Variants in FBXL17 observed in about 807,000 individuals in gnomAD.
FBXL17 encodes F-box/LRR-repeat protein 17.
A neutral mutation model predicts 66.2 loss-of-function variants in FBXL17; 22 were observed. That is an observed-to-expected ratio of 0.33 (90% confidence interval 0.24 to 0.47). FBXL17 has a LOEUF of 0.47. Among genes scored for constraint, FBXL17 ranks in the 20% least tolerant of loss-of-function variants. The pLI is 1.00. For missense variants in FBXL17, 878 were observed against 948.2 expected (o/e 0.93, Z 0.97); for synonymous variants, 474 against 400.5 (o/e 1.18, Z -2.19).
chr5:108,194,281 T>C (rs1374951591), intron 5 of FBXL17, among the ~76,000 whole-genome samples: 1 of 152,186 alleles, frequency 6.6e-6, no homozygotes, highest in African/African-American at 2.4e-5. Flanking sequence ...TCTGATAACT[T>C]AGAAGTATCT....
chr5:108,135,346 T>C (rs1580492510), intron 6 of FBXL17, among the ~76,000 whole-genome samples: 1 of 152,146 alleles, frequency 6.6e-6, no homozygotes, highest in African/African-American at 2.4e-5. Context: ...ACAAGGGGAA[T>C]ATTTACTCCC....
intron 6 of FBXL17, among the ~76,000 whole-genome samples, chr5:108,079,682 T>G (rs1342880001): frequency 2.6e-5 from 4 of 152,156 alleles, no homozygotes; most frequent in Non-Finnish European, 1.5e-5. Flanking sequence ...ACCAATGTAG[T>G]TATAAAAAAA....
chr5:108,113,687 A>T (rs1041387598), intron 6 of FBXL17, among the ~76,000 whole-genome samples: 6 of 152,150 alleles, frequency 3.9e-5, no homozygotes, highest in Non-Finnish European at 8.8e-5. Flanking sequence ...CACATTAAAA[A>T]TGTCCAATTT....
chr5:107,916,516 T>C (rs1750140092), intron 7 of FBXL17, among the ~76,000 whole-genome samples: 1 of 152,242 alleles, frequency 6.6e-6, no homozygotes, highest in African/African-American at 2.4e-5. Flanking sequence ...TAAAGGTATT[T>C]GGAATATACA....
intron 4 of FBXL17, among the ~76,000 whole-genome samples, chr5:108,259,215 A>C (rs986828886): frequency 6.6e-6 from 1 of 152,214 alleles, no homozygotes; most frequent in East Asian, 1.9e-4. Flanking sequence ...AGGTACAAAG[A>C]AACTATGTTG....
At chr5:108,362,877 C>G (rs1299474912) in intron 3 of FBXL17, among the ~76,000 whole-genome samples, 1 of 151,890 alleles carries the variant, frequency 6.6e-6, no homozygotes, top group Admixed American at 6.6e-5. Context: ...TTACATATAT[C>G]ATTCTAAAAC....
At chr5:107,960,596 A>G (rs1263944822) in intron 7 of FBXL17, among the ~76,000 whole-genome samples, 6 of 152,138 alleles carry the variant, frequency 3.9e-5, no homozygotes, top group African/African-American at 1.2e-4. Context: ...ATCATGCAGT[A>G]TTTGTCTTTC....
At chr5:108,011,756 G>A (rs560158852) in intron 7 of FBXL17, among the ~76,000 whole-genome samples, 4 of 152,306 alleles carry the variant, frequency 2.6e-5, no homozygotes, top group South Asian at 2.1e-4. Flanking sequence ...CCTGGGAGGT[G>A]GAGGTCGCAG....
intron 4 of FBXL17, 117 bp from the exon 5 acceptor site, chr5:108,224,345 G>T: frequency 2.1e-6 from 1 of 483,718 alleles, no homozygotes. Flanking sequence ...TGCCCTGTTA[G>T]ATCATTTGAA....
chr5:108,042,432 A>C lies in FBXL17; in HGVS notation c.1746-21431T>G, dbSNP rs746223629. On this transcript the variant is annotated intron_variant, in intron 6 of 8. Coordinates refer to ENST00000542267, the MANE Select transcript of FBXL17 (RefSeq NM_001163315.3). The stretch of plus-strand genomic sequence containing the variant: ...CATTTTCCTCCCACCCCTACATCTT[A>C]TTTAACCCCTGGTAACCTCTAATCT... Among the ~76,000 whole-genome samples the C allele has an allele frequency of 4.9e-4, 75 of 151,958 alleles. 1 individual carries two copies. The highest frequency in any genetic ancestry group is 2.0e-3 in the Admixed American group (31 of 15,260).
intron 7 of FBXL17, among the ~76,000 whole-genome samples, chr5:107,949,195 AAAG>A (rs1445440938): frequency 9.2e-5 from 14 of 151,564 alleles, no homozygotes; most frequent in Admixed American, 2.6e-4. Context: ...AAAAAAAAAA[AAAG>A]AAAGAAAGAA....
chr5:107,926,073 T>C (rs1304896609), intron 7 of FBXL17, among the ~76,000 whole-genome samples: 1 of 152,204 alleles, frequency 6.6e-6, no homozygotes, highest in African/African-American at 2.4e-5. Context: ...AACAGCCTTA[T>C]AAGGTAGATA....
intron 5 of FBXL17, among the ~76,000 whole-genome samples, chr5:108,209,687 TG>T (rs1754283275): frequency 6.6e-6 from 1 of 152,228 alleles, no homozygotes; most frequent in South Asian, 2.1e-4. Flanking sequence ...ATAAGCTTTT[TG>T]ATGTGCTGTT....
intron 4 of FBXL17, among the ~76,000 whole-genome samples, chr5:108,321,115 A>G (rs989759312): frequency 3.3e-5 from 5 of 150,894 alleles, no homozygotes; most frequent in Non-Finnish European, 7.4e-5. Flanking sequence ...CACATCCAAT[A>G]TAACTGCTGA....
intron 4 of FBXL17, chr5:108,298,121 T>C: frequency 1.0e-6 from 1 of 962,542 alleles, no homozygotes; most frequent in Non-Finnish European, 1.2e-6. Flanking sequence ...TTTACTATTA[T>C]ATAACTAATT....
chr5:108,123,274 A>G (rs1286591636), intron 6 of FBXL17, among the ~76,000 whole-genome samples: 1 of 152,042 alleles, frequency 6.6e-6, no homozygotes, highest in Non-Finnish European at 1.5e-5. Flanking sequence ...ATCCTGAAAG[A>G]AGTGCATTAG....
At chr5:108,282,991 G>A (rs772195043) in intron 4 of FBXL17, among the ~76,000 whole-genome samples, 1 of 148,906 alleles carries the variant, frequency 6.7e-6, no homozygotes, top group Non-Finnish European at 1.5e-5. Context: ...TCTAATGAAA[G>A]AAACTGTATT....
At chr5:107,998,162 A>G (rs1005296930) in intron 7 of FBXL17, among the ~76,000 whole-genome samples, 1 of 152,220 alleles carries the variant, frequency 6.6e-6, no homozygotes, top group Non-Finnish European at 1.5e-5. Flanking sequence ...TAATACTTTG[A>G]TTATACTGTA....
chr5:108,024,372 T>C (rs749130695), intron 6 of FBXL17, among the ~76,000 whole-genome samples: 5 of 152,148 alleles, frequency 3.3e-5, no homozygotes, highest in Non-Finnish European at 5.9e-5. Flanking sequence ...CAAGAGAGAA[T>C]AAAAGAATCA....
Sources: gnomAD v4.1 joint callset for allele counts (sites outside exome capture counted in the v4.1 genomes callset) on GRCh38, gnomAD v4.1.1 for gene constraint, MANE v1.5 for transcripts, NCBI Gene and HGNC (gene_info 2026-07-23, HGNC 2026-07-21) for gene names.